The following ROBO2 variants were observed in gnomAD, a reference collection of about 807,000 sequenced individuals.
The protein encoded by ROBO2 is roundabout homolog 2.
Under a neutral mutation model 160.8 loss-of-function variants are expected in ROBO2, and 53 were observed. The ratio of observed to expected loss-of-function variants is 0.33; its 90% CI spans 0.26 to 0.41. The LOEUF (loss-of-function observed/expected upper bound fraction) is 0.41. Among genes scored for constraint, ROBO2 ranks in the 10% least tolerant of loss-of-function variants. The pLI is 1.00. For synonymous variants in ROBO2, 664 were observed against 611.7 expected (o/e 1.09, Z -1.26); for missense variants, 1,577 against 1,722.4 (o/e 0.92, Z 1.49).
At chr3:76,885,604 A>T (rs1190169468) in intron 2 of ROBO2, among the ~76,000 whole-genome samples, 1 of 152,162 alleles carries the variant, frequency 6.6e-6, no homozygotes, top group Non-Finnish European at 1.5e-5. Context: ...GCCCATAATT[A>T]ACCCATCACA....
chr3:75,942,502 A>C lies in ROBO2; in HGVS notation c.109+4900A>C, dbSNP rs1948102488. The stretch of plus-strand genomic sequence containing the variant: ...GACAATAATTTGTATGGAAAAATTT[A>C]AATGAATTCAATTTATCCTATGGCA... On this transcript the variant is annotated intron_variant, in intron 2 of 26. Coordinates refer to the ROBO2 transcript ENST00000487694. Among the ~76,000 whole-genome samples the C allele has an allele frequency of 2.0e-5, 3 of 152,172 alleles. No individual in the cohort carries two copies. The South Asian group carries it at 6.2e-4, about 31-fold the overall frequency.
intron 9 of ROBO2, among the ~76,000 whole-genome samples, chr3:77,561,202 C>T (rs1046067784): frequency 2.6e-5 from 4 of 152,116 alleles, no homozygotes; most frequent in African/African-American, 4.8e-5. Flanking sequence ...GAGAATCAAT[C>T]GAGAAAGCTT....
intron 2 of ROBO2, among the ~76,000 whole-genome samples, chr3:76,912,163 T>G (rs2076032465): frequency 6.6e-6 from 1 of 152,178 alleles, no homozygotes; most frequent in African/African-American, 2.4e-5. Flanking sequence ...ATTAATTCTC[T>G]GTATTTGCTT....
intron 2 of ROBO2, among the ~76,000 whole-genome samples, chr3:76,438,903 A>C (rs1473376767): frequency 2.0e-5 from 3 of 151,978 alleles, no homozygotes; most frequent in Admixed American, 1.3e-4. Context: ...CATAAAGTTC[A>C]CAAGAGAAAA....
At chr3:76,129,832 G>A (rs545619344) in intron 2 of ROBO2, among the ~76,000 whole-genome samples, 3 of 151,958 alleles carry the variant, frequency 2.0e-5, no homozygotes, top group African/African-American at 4.8e-5. Flanking sequence ...GTTACATCTC[G>A]ATTCCCGTCC....
chr3:77,381,558 A>C (rs910059796), intron 2 of ROBO2, among the ~76,000 whole-genome samples: 1 of 152,222 alleles, frequency 6.6e-6, no homozygotes, highest in Non-Finnish European at 1.5e-5. Context: ...CAATGATTTC[A>C]TACTCTGACT....
chr3:76,491,853 G>A (rs148307274), intron 2 of ROBO2, among the ~76,000 whole-genome samples: 2 of 152,300 alleles, frequency 1.3e-5, no homozygotes, highest in African/African-American at 2.4e-5. Flanking sequence ...CCAGCACTTT[G>A]GGAGGCCAAG....
intron 2 of ROBO2, among the ~76,000 whole-genome samples, chr3:76,073,695 G>A (rs1193086068): frequency 6.6e-6 from 1 of 152,112 alleles, no homozygotes; most frequent in Non-Finnish European, 1.5e-5. Context: ...TGTAGTCAAA[G>A]GCACTTGGGA....
intron 16 of ROBO2, among the ~76,000 whole-genome samples, chr3:77,582,953 A>C (rs1037855267): frequency 6.6e-6 from 1 of 151,942 alleles, no homozygotes; most frequent in Non-Finnish European, 1.5e-5. Flanking sequence ...CCAGCTGGGC[A>C]ACATGGTGAA....
chr3:76,410,295 A>G (rs2108827791), intron 2 of ROBO2, among the ~76,000 whole-genome samples: 1 of 152,242 alleles, frequency 6.6e-6, no homozygotes, highest in Non-Finnish European at 1.5e-5. Context: ...TATGTTATAC[A>G]TGGAACACAG....
chr3:77,640,221 C>G (rs2095330034), intron 24 of ROBO2, among the ~76,000 whole-genome samples: 1 of 150,168 alleles, frequency 6.7e-6, no homozygotes, highest in African/African-American at 2.5e-5. Flanking sequence ...ACGCCATTCT[C>G]CTGCCTCAGC....
Position 77,622,352 on chromosome 3 carries a change from C to T in ROBO2, c.3680C>T (p.Ala1227Val), listed in dbSNP as rs761027255. The change falls in exon 23 of 26, where the codon GCT (alanine) becomes GTT (valine). Residue 1227 changes from alanine to valine, a missense_variant. Ala to Val is a moderately conservative substitution (Grantham distance 64). Transcript: ENST00000461745. ...GATGATGCCGACGACGAAGAGGAAG[C>T]TTTAGAAATCCCCAGGCCCCTGAGA... 12 of 1,613,620 alleles carry T rather than the reference C, an allele frequency of 7.4e-6. No individual in the cohort carries two copies. The highest frequency in any genetic ancestry group is 9.3e-6 in the Non-Finnish European group (11 of 1,179,836).
intron 2 of ROBO2, among the ~76,000 whole-genome samples, chr3:77,320,077 A>C (rs772527044): frequency 6.6e-6 from 1 of 152,210 alleles, no homozygotes; most frequent in Non-Finnish European, 1.5e-5. Context: ...TTGAAATTGC[A>C]GCTGCATATT....
At chr3:77,124,270 G>A (rs1432009947) in intron 2 of ROBO2, among the ~76,000 whole-genome samples, 1 of 152,078 alleles carries the variant, frequency 6.6e-6, no homozygotes, top group Admixed American at 6.6e-5. Flanking sequence ...CTTTTGAATG[G>A]AACAAAATTT....
chr3:75,922,114 T>C (rs1015304308), intron 1 of ROBO2, among the ~76,000 whole-genome samples: 3 of 152,078 alleles, frequency 2.0e-5, no homozygotes, highest in African/African-American at 7.2e-5. Flanking sequence ...AAACCTAAAA[T>C]CCAATATATG....
intron 2 of ROBO2, among the ~76,000 whole-genome samples, chr3:76,169,723 G>A (rs2072970692): frequency 6.6e-6 from 1 of 152,054 alleles, no homozygotes; most frequent in Admixed American, 6.5e-5. Flanking sequence ...ACTAAAGCTA[G>A]TAATCTCCTA....
chr3:77,504,470 C>T (rs1465856156), intron 5 of ROBO2, among the ~76,000 whole-genome samples: 1 of 151,140 alleles, frequency 6.6e-6, no homozygotes, highest in African/African-American at 2.4e-5. Flanking sequence ...CACTAACTGA[C>T]ATTTTCTAAC....
intron 2 of ROBO2, among the ~76,000 whole-genome samples, chr3:77,328,062 CAAAAAA>C (rs57829219): frequency 1.5e-4 from 17 of 112,846 alleles, no homozygotes; most frequent in African/African-American, 5.2e-4. Context: ...GACCGTATCT[CAAAAAA>C]AAAAAAAAAA....
chr3:76,332,128 T>C lies in ROBO2; in HGVS notation c.109+394526T>C, dbSNP rs953062880. Reference sequence around the variant, plus strand: ...GTATATTTTGAATACATTTCCATTGTGAATGGCAAGGCTAGAAGTCACTTT... The same window carrying C: ...GTATATTTTGAATACATTTCCATTGCGAATGGCAAGGCTAGAAGTCACTTT... On this transcript the variant is annotated intron_variant, in intron 2 of 26. Transcript: ENST00000487694. Among the ~76,000 whole-genome samples, 13 of 152,338 alleles carry C rather than the reference T, an allele frequency of 8.5e-5. No homozygotes were observed. The East Asian group carries it at 2.5e-3, about 29-fold the overall frequency.
Sources: allele counts gnomAD v4.1 joint callset (sites outside exome capture counted in the v4.1 genomes callset), GRCh38; gene constraint gnomAD v4.1.1; transcripts MANE v1.5; gene names NCBI Gene and HGNC (gene_info 2026-07-23, HGNC 2026-07-21).